The following COL14A1 variants were observed in gnomAD, a reference collection of about 807,000 sequenced individuals.
COL14A1 encodes the protein collagen type XIV alpha 1 chain.
COL14A1 carries 136 observed loss-of-function variants against 230.3 expected under a neutral mutation model. The observed-to-expected ratio is 0.59, with a 90% CI of 0.51 to 0.68. COL14A1 has a LOEUF of 0.68. Among genes scored for constraint, COL14A1 ranks in the 30% least tolerant of loss-of-function variants. The pLI, the probability that COL14A1 is intolerant of heterozygous loss-of-function variation, is 0.00. For synonymous variants in COL14A1, 792 were observed against 784.1 expected (o/e 1.01, Z -0.17); for missense variants, 1,976 against 2,215.8 (o/e 0.89, Z 2.17).
chr8:120,183,636 G>A (rs749343336), intron 5 of COL14A1, among the ~76,000 whole-genome samples: 2 of 152,178 alleles, frequency 1.3e-5, no homozygotes, highest in Non-Finnish European at 2.9e-5. Flanking sequence ...GATGCATGTG[G>A]TGTTTACAGG....
At chr8:120,276,156 A>C (rs939497477) in intron 26 of COL14A1, among the ~76,000 whole-genome samples, 1 of 151,336 alleles carries the variant, frequency 6.6e-6, no homozygotes, top group African/African-American at 2.4e-5. Flanking sequence ...TATTTTACAC[A>C]AACACACACC....
chr8:120,355,968 A>G, intron 45 of COL14A1, among the ~76,000 whole-genome samples: 1 of 152,200 alleles, frequency 6.6e-6, no homozygotes, highest in East Asian at 1.9e-4. Context: ...GCTTTTACTT[A>G]TTAGGCTCCA....
chr8:120,220,277 A>ATTTTT (rs34611162), intron 14 of COL14A1, among the ~76,000 whole-genome samples: 4 of 141,988 alleles, frequency 2.8e-5, no homozygotes, highest in African/African-American at 2.6e-5. Context: ...CATGCAATTG[A>ATTTTT]TTTTTTTTTT....
chr8:120,364,515 C>T (rs1056166245), intron 45 of COL14A1, among the ~76,000 whole-genome samples: 5 of 152,184 alleles, frequency 3.3e-5, no homozygotes, highest in East Asian at 1.9e-4. Flanking sequence ...CTTCAGTATG[C>T]GAACCACAAG....
chr8:120,182,486 C>T (rs1356137946), intron 5 of COL14A1, among the ~76,000 whole-genome samples: 2 of 152,110 alleles, frequency 1.3e-5, no homozygotes, highest in African/African-American at 2.4e-5. Context: ...TTGTGAAAAT[C>T]ACCTTAAATG....
chr8:120,165,452 C>T (rs1182369395), intron 4 of COL14A1, among the ~76,000 whole-genome samples: 1 of 152,234 alleles, frequency 6.6e-6, no homozygotes, highest in Non-Finnish European at 1.5e-5. Context: ...ACAAGCAGCT[C>T]AACCACTTCC....
chr8:120,350,010 G>A (rs1321385975), intron 45 of COL14A1, among the ~76,000 whole-genome samples: 13 of 138,134 alleles, frequency 9.4e-5, no homozygotes, highest in African/African-American at 3.8e-4. Flanking sequence ...CACTCAAAGG[G>A]AAGCCCATCA....
Position 120,369,377 on chromosome 8 carries a change from C to T in COL14A1, c.5203C>T (p.Pro1735Ser), listed in dbSNP as rs777699018. 4 of 1,607,424 alleles carry T rather than the reference C, an allele frequency of 2.5e-6. No individual in the cohort carries two copies. The East Asian group carries it at 6.8e-5, about 27-fold the overall frequency. The change falls in exon 47 of 48, where the codon CCT (proline) becomes TCT (serine). Residue 1735 changes from proline to serine, a missense_variant. Pro to Ser is a moderately conservative substitution (Grantham distance 74). Around this residue, in one of 3 missense-constraint regions of COL14A1, gnomAD observed 1,791 missense variants for 2,019.5 expected, o/e 0.89. Transcript: ENST00000297848. ...TGGCAGCCCTGGGCCCCCTGGCTCT[C>T]CTGGACCAAGAGGCCCACCAGGTCA... is the stretch of plus-strand genomic sequence containing the variant. ...RPGSPGPPGS[P>S]GPRGPPGHLG...
chr8:120,221,428 A>G (rs910785953), intron 14 of COL14A1, among the ~76,000 whole-genome samples: 1 of 152,204 alleles, frequency 6.6e-6, no homozygotes, highest in Non-Finnish European at 1.5e-5. Flanking sequence ...TAACTAATAT[A>G]AATAAATGAT....
chr8:120,319,069 G>T (rs1441331056), intron 40 of COL14A1, among the ~76,000 whole-genome samples: 3 of 152,182 alleles, frequency 2.0e-5, no homozygotes, highest in Non-Finnish European at 1.5e-5. Context: ...GAGTACATGA[G>T]TGTGGTGTGC....
chr8:120,270,406 A>C (rs961858106), intron 26 of COL14A1, among the ~76,000 whole-genome samples: 1 of 151,668 alleles, frequency 6.6e-6, no homozygotes, highest in African/African-American at 2.4e-5. Context: ...ACAAGGTAGA[A>C]AGTCCATGTC....
At position 120,285,811 on chromosome 8, in the gene COL14A1, A is replaced by G. The variant is rs759268941; in HGVS notation, c.3968-50A>G. On this transcript the variant is annotated intron_variant, in intron 32 of 47. Coordinates refer to ENST00000297848, the MANE Select transcript of COL14A1 (RefSeq NM_021110.4). ...TTTGAGTTGAATTTTAGAAAACAAA[A>G]TTCACCTACTTTAATTATTTCTAAA... 3.2e-6 allele frequency: 4 copies of G among 1,236,266 alleles called. No individual in the cohort carries two copies. The East Asian group carries it at 1.0e-4, about 31-fold the overall frequency. The allele number at this position is 1,236,266 out of a possible 1,614,324, so 76.6% of individuals were successfully genotyped here.
At chr8:120,231,890 C>G in intron 19 of COL14A1, 1 of 321,412 alleles carries the variant, frequency 3.1e-6, no homozygotes. Flanking sequence ...TGCACCTGTT[C>G]GAGCACCAAA....
At chr8:120,264,588 T>C (rs1449613162) in intron 24 of COL14A1, among the ~76,000 whole-genome samples, 1 of 152,204 alleles carries the variant, frequency 6.6e-6, no homozygotes, top group East Asian at 1.9e-4. Context: ...GTACTTTTTG[T>C]CATTACCATT....
intron 45 of COL14A1, among the ~76,000 whole-genome samples, chr8:120,361,000 G>C (rs1275547704): frequency 6.6e-6 from 1 of 152,014 alleles, no homozygotes; most frequent in African/African-American, 2.4e-5. Flanking sequence ...GCTTCTAGTA[G>C]ACAATCTCCC....
At chr8:120,279,306 A>G (rs1299420010) in intron 28 of COL14A1, among the ~76,000 whole-genome samples, 2 of 152,084 alleles carry the variant, frequency 1.3e-5, no homozygotes, top group Non-Finnish European at 2.9e-5. Context: ...CCCAGAATTT[A>G]AAGTAAAATT....
At position 120,199,464 on chromosome 8, in the gene COL14A1, G is replaced by A. The variant is rs765094607; in HGVS notation, c.775G>A (p.Val259Ile). Residue 259 changes from valine (V) to isoleucine (I), a missense_variant, in exon 8 of 48, where the codon GTA (valine) becomes ATA (isoleucine). Coordinates refer to ENST00000297848, the MANE Select transcript of COL14A1 (RefSeq NM_021110.4). ...ACCAGAAGCAGGATCAAGGACTGGA[G>A]TATCCAAAATTGGCATTTTAATCAC... is the stretch of plus-strand genomic sequence containing the variant. ...FKPEAGSRTG[V>I]SKIGILITDG... is the part of the protein sequence containing the mutation. 15 of 1,612,286 alleles carry A rather than the reference G, an allele frequency of 9.3e-6. No homozygotes were observed. The South Asian group carries it at 1.7e-4, about 18-fold the overall frequency.
intron 2 of COL14A1, among the ~76,000 whole-genome samples, chr8:120,152,332 G>A (rs981964293): frequency 3.3e-5 from 5 of 151,532 alleles, no homozygotes; most frequent in Admixed American, 2.0e-4. Flanking sequence ...GCGTGGTGGC[G>A]GGCGCCTGTA....
intron 37 of COL14A1, among the ~76,000 whole-genome samples, chr8:120,312,460 C>T (rs894834316): frequency 6.6e-6 from 1 of 152,158 alleles, no homozygotes; most frequent in African/African-American, 2.4e-5. Flanking sequence ...GAAAATTTCT[C>T]CTCCTTTGGC....
Sources: gnomAD v4.1 joint callset for allele counts (sites outside exome capture counted in the v4.1 genomes callset) on GRCh38, gnomAD v4.1.1 for gene constraint, gnomAD v4.1.1 regional missense constraint, MANE v1.5 for transcripts, NCBI Gene and HGNC (gene_info 2026-07-23, HGNC 2026-07-21) for gene names.